FHOD3: variants seen among roughly 807,000 people sequenced by gnomAD.
The protein encoded by FHOD3 is FH1/FH2 domain-containing protein 3.
FHOD3 carries 90 observed loss-of-function variants against 173.0 expected under a neutral mutation model. The ratio of observed to expected loss-of-function variants is 0.52; its 90% CI spans 0.44 to 0.62. The LOEUF (loss-of-function observed/expected upper bound fraction) is 0.62. Among genes scored for constraint, FHOD3 ranks in the 20% least tolerant of loss-of-function variants. FHOD3 has a pLI of 0.00. For synonymous variants in FHOD3, 828 were observed against 823.0 expected (o/e 1.01, Z -0.10); for missense variants, 1,945 against 2,034.7 (o/e 0.96, Z 0.85).
At chr18:36,378,016 G>C (rs1568192564) in intron 3 of FHOD3, among the ~76,000 whole-genome samples, 1 of 152,230 alleles carries the variant, frequency 6.6e-6, no homozygotes, top group African/African-American at 2.4e-5. Flanking sequence ...TAAGCTCACA[G>C]TGTCCTTGCT....
At chr18:36,750,666 T>C (rs939139216) in intron 24 of FHOD3, among the ~76,000 whole-genome samples, 1 of 152,236 alleles carries the variant, frequency 6.6e-6, no homozygotes, top group Non-Finnish European at 1.5e-5. Context: ...ATGACTTTTG[T>C]ATATGGTGTA....
chr18:36,457,941 G>A (rs931555246), intron 3 of FHOD3, among the ~76,000 whole-genome samples: 1 of 152,126 alleles, frequency 6.6e-6, no homozygotes, highest in African/African-American at 2.4e-5. Flanking sequence ...ACACTCAGAT[G>A]ACATAGAAAG....
chr18:36,454,326 G>A (rs774448814), intron 3 of FHOD3, among the ~76,000 whole-genome samples: 1 of 152,034 alleles, frequency 6.6e-6, no homozygotes, highest in Non-Finnish European at 1.5e-5. Flanking sequence ...CACATATGGG[G>A]TTGTGCACAC....
chr18:36,638,688 G>T (rs893076135), intron 10 of FHOD3, among the ~76,000 whole-genome samples: 1 of 152,184 alleles, frequency 6.6e-6, no homozygotes, highest in Non-Finnish European at 1.5e-5. Context: ...TTTCTGAAAG[G>T]AGGGCCTGAG....
intron 3 of FHOD3, among the ~76,000 whole-genome samples, chr18:36,499,787 T>C (rs1291220836): frequency 6.6e-6 from 1 of 152,160 alleles, no homozygotes; most frequent in Non-Finnish European, 1.5e-5. Flanking sequence ...AGATTGGGGA[T>C]GGTTGATTCC....
chr18:36,391,281 G>A (rs960351402), intron 3 of FHOD3, among the ~76,000 whole-genome samples: 8 of 152,200 alleles, frequency 5.3e-5, no homozygotes, highest in African/African-American at 1.7e-4. Flanking sequence ...CACTTTTAAA[G>A]GGGGTGGCTC....
At chr18:36,770,949 T>C (rs537394401) in intron 28 of FHOD3, among the ~76,000 whole-genome samples, 83 of 152,324 alleles carry the variant, frequency 5.4e-4, no homozygotes, top group African/African-American at 2.0e-3. Flanking sequence ...AAAACTATCG[T>C]TCAGGGAGAC....
intron 9 of FHOD3, among the ~76,000 whole-genome samples, chr18:36,623,723 A>T (rs1416401865): frequency 6.6e-6 from 1 of 152,280 alleles, no homozygotes; most frequent in East Asian, 1.9e-4. Flanking sequence ...CACCTATGGG[A>T]GTTTGTTATA....
chr18:36,678,041 T>TCC (rs1312234122), intron 14 of FHOD3, among the ~76,000 whole-genome samples: 176 of 152,332 alleles, frequency 1.2e-3, no homozygotes, highest in Non-Finnish European at 1.8e-3. Context: ...AGACTCTTAA[T>TCC]AAAATAACAT....
chr18:36,650,819 GGTGTGCT>G (rs1295324289), intron 11 of FHOD3, among the ~76,000 whole-genome samples: 1 of 152,148 alleles, frequency 6.6e-6, no homozygotes, highest in Non-Finnish European at 1.5e-5. Context: ...CCCTGTTAAT[GGTGTGCT>G]GTCTCTACCT....
chr18:36,582,640 A>C (rs949706089), intron 6 of FHOD3, among the ~76,000 whole-genome samples: 1 of 152,220 alleles, frequency 6.6e-6, no homozygotes, highest in Non-Finnish European at 1.5e-5. Context: ...TGTCCAAGCT[A>C]AACTTGATGG....
rs1306242189 is a variant in FHOD3 at position 36,718,358 on chromosome 18, G to GCCA, written c.3063_3065dup (p.Pro1027dup). The GCCA allele has an allele frequency of 6.2e-7, 1 of 1,608,638 alleles. No individual in the cohort carries two copies. Among genetic ancestry groups the GCCA allele is most frequent in the South Asian group, 1.1e-5 (1 of 90,400 alleles). On this transcript the variant is annotated inframe_insertion, in exon 19 of 29. Transcript: ENST00000590592. ...ACCTGGGTCACAGGGAGGCCCCTGG[G>GCCA]CCACCTCCCCCACCCCCACCCACCT...
At chr18:36,509,304 G>A (rs944824938) in intron 4 of FHOD3, among the ~76,000 whole-genome samples, 16 of 152,222 alleles carry the variant, frequency 1.1e-4, no homozygotes, top group African/African-American at 3.4e-4. Flanking sequence ...GCGGGCGCCT[G>A]TAGTCCCAGC....
intron 3 of FHOD3, among the ~76,000 whole-genome samples, chr18:36,389,651 A>C (rs1415494996): frequency 6.6e-6 from 1 of 152,158 alleles, no homozygotes; most frequent in Non-Finnish European, 1.5e-5. Context: ...TATAGACCCT[A>C]AAATGACGTA....
chr18:36,587,320 C>T (rs1395596000), intron 6 of FHOD3, among the ~76,000 whole-genome samples: 1 of 152,096 alleles, frequency 6.6e-6, no homozygotes, highest in African/African-American at 2.4e-5. Flanking sequence ...GCCAAGTGAG[C>T]GGCCACCCTG....
At chr18:36,559,908 C>T (rs2058029524) in intron 5 of FHOD3, among the ~76,000 whole-genome samples, 1 of 152,142 alleles carries the variant, frequency 6.6e-6, no homozygotes, top group African/African-American at 2.4e-5. Flanking sequence ...AACTGCCACT[C>T]TTGACCCTTA....
In FHOD3 at chr18:36,658,092, A is replaced by G. The variant is rs138727664; in HGVS notation, c.1739A>G (p.Asn580Ser). 6.2e-4 allele frequency: 1,002 copies of G among 1,607,976 alleles called. 8 individuals are homozygous for G. The highest frequency in any genetic ancestry group is 4.1e-4 in the Admixed American group (24 of 58,876). ...CTTCTTAGATACAGCAATTTTGGCA[A>G]TAACTCTTATCACTCCTCAAGACCC... Reference protein sequence around the residue: ...FSSNRYSNFGNNSYHSSRPSS... With the variant: ...FSSNRYSNFGSNSYHSSRPSS... The change falls in exon 14 of 29, where the codon AAT becomes AGT. Residue 580 changes from asparagine to serine, a missense_variant. Asn to Ser is a conservative substitution (Grantham distance 46). Transcript: ENST00000590592.
chr18:36,434,096 A>G (rs1487108189), intron 3 of FHOD3, among the ~76,000 whole-genome samples: 2 of 152,216 alleles, frequency 1.3e-5, no homozygotes, highest in African/African-American at 4.8e-5. Flanking sequence ...CTAGAGTTTC[A>G]TATGAATGAA....
intron 5 of FHOD3, among the ~76,000 whole-genome samples, chr18:36,516,867 G>A (rs1234504170): frequency 1.3e-5 from 2 of 152,214 alleles, no homozygotes; most frequent in Non-Finnish European, 2.9e-5. Flanking sequence ...TGCTCTGTGT[G>A]GCTACATGGG....
Sources: allele counts gnomAD v4.1 joint callset (sites outside exome capture counted in the v4.1 genomes callset), GRCh38; gene constraint gnomAD v4.1.1; transcripts MANE v1.5; gene names NCBI Gene and HGNC (gene_info 2026-07-23, HGNC 2026-07-21).